Variants in NIPA1 observed in about 807,000 individuals in gnomAD.
The protein encoded by NIPA1 is magnesium transporter NIPA1.
Under a neutral mutation model 23.9 loss-of-function variants are expected in NIPA1, and 13 were observed. The observed-to-expected ratio is 0.54, with a 90% CI of 0.35 to 0.87. The LOEUF is 0.87. Among genes scored for constraint, NIPA1 ranks in the 40% least tolerant of loss-of-function variants. NIPA1 has a pLI of 0.01. For missense variants in NIPA1, 362 were observed against 429.7 expected (o/e 0.84, Z 1.39); for synonymous variants, 234 against 202.9 (o/e 1.15, Z -1.30).
At position 22,823,846 on chromosome 15, in the gene NIPA1, C is replaced by G; in HGVS notation, c.597C>G (p.Gly199=). Residue 199 remains glycine, a synonymous_variant, in exon 5 of 5, where the codon GGC becomes GGG. Transcript: ENST00000337435. ...MVYISICSLL[G]SFTVPSTKGI... ...ACATCAGCATCTGCTCCTTGCTGGG[C>G]AGTTTCACCGTGCCTTCCACCAAGG... 2 of 1,614,148 alleles carry G rather than the reference C, an allele frequency of 1.2e-6. No homozygotes were observed. The highest frequency in any genetic ancestry group is 1.7e-6 in the Non-Finnish European group (2 of 1,179,976).
Position 22,802,391 on chromosome 15 carries a change from CA to C in NIPA1, c.179-8340del, listed in dbSNP as rs10689474. On this transcript the variant is annotated intron_variant, in intron 1 of 4. Coordinates refer to ENST00000337435, the MANE Select transcript of NIPA1 (RefSeq NM_144599.5). ...TGGGCGACAGAGTGAGACTCTGTCT[CA>C]AAAAAAAAAAAAAAAAATTTAAACC... is the stretch of plus-strand genomic sequence containing the variant. 3.8e-3 allele frequency among the ~76,000 whole-genome samples: 432 copies of C among 114,628 alleles called. 1 individual carries two copies. Among genetic ancestry groups the C allele is most frequent in the Middle Eastern group, 8.3e-3 (2 of 240 alleles). 75.2% of individuals were successfully genotyped at this position (114,628 alleles called of 152,430 possible).
rs376597076 is a variant in NIPA1 at position 22,812,090 on chromosome 15, G to T, written c.227-73G>T. The T allele has an allele frequency of 9.0e-5, 101 of 1,122,156 alleles. No homozygotes were observed. The East Asian group carries it at 1.6e-3, about 18-fold the overall frequency. The allele number at this position is 1,122,156 out of a possible 1,614,324, so 69.5% of individuals were successfully genotyped here. On this transcript the variant is annotated intron_variant, in intron 2 of 4. Transcript: ENST00000337435. Reference sequence around the variant, plus strand: ...TAGCCCTTTCAGGGCAGAGCCTAGCGTAATTCAACTGTGATCAGTGCTGGA... The same window carrying T: ...TAGCCCTTTCAGGGCAGAGCCTAGCTTAATTCAACTGTGATCAGTGCTGGA...
chr15:22,807,347 TA>T (rs1365348521), intron 1 of NIPA1, among the ~76,000 whole-genome samples: 1 of 152,138 alleles, frequency 6.6e-6, no homozygotes, highest in Non-Finnish European at 1.5e-5. Context: ...GCTTTCACTG[TA>T]GGAGGGTCAC....
chr15:22,787,671 C>A (rs959641837), intron 1 of NIPA1, among the ~76,000 whole-genome samples: 9 of 152,180 alleles, frequency 5.9e-5, no homozygotes, highest in African/African-American at 1.9e-4. Flanking sequence ...AGTCCGTTTC[C>A]ATTGCTTCCA....
intron 1 of NIPA1, among the ~76,000 whole-genome samples, chr15:22,793,043 G>A (rs145242050): frequency 1.3e-5 from 2 of 151,910 alleles, no homozygotes; most frequent in East Asian, 3.9e-4. Context: ...CCTGGGCAAC[G>A]GAGTGAGACT....
At chr15:22,803,231 A>G (rs974516156) in intron 1 of NIPA1, among the ~76,000 whole-genome samples, 8 of 151,954 alleles carry the variant, frequency 5.3e-5, no homozygotes, top group South Asian at 2.1e-4. Context: ...TGCTGGGATT[A>G]TAGGCATGAG....
intron 3 of NIPA1, among the ~76,000 whole-genome samples, chr15:22,816,049 T>C (rs1895408492): frequency 6.6e-6 from 1 of 152,078 alleles, no homozygotes; most frequent in South Asian, 2.1e-4. Context: ...AGCTGCCTAC[T>C]TTCACCTCAT....
intron 3 of NIPA1, chr15:22,813,723 A>G (rs1416207437): frequency 2.2e-6 from 1 of 451,604 alleles, no homozygotes; most frequent in Admixed American, 2.4e-5. Flanking sequence ...AGGTTCTGTG[A>G]CCTAAATACC....
intron 1 of NIPA1, among the ~76,000 whole-genome samples, chr15:22,802,708 A>G (rs1250450183): frequency 6.6e-6 from 1 of 152,114 alleles, no homozygotes; most frequent in Non-Finnish European, 1.5e-5. Context: ...CTGGTGCCTC[A>G]TCCCCCATAC....
Position 22,786,684 on chromosome 15 carries a change from G to T in NIPA1, c.28G>T (p.Ala10Ser). 1 of 1,094,428 alleles carries T rather than the reference G, an allele frequency of 9.1e-7. No homozygotes were observed. The highest frequency in any genetic ancestry group is 3.6e-5 in the South Asian group (1 of 27,456). The allele number at this position is 1,094,428 out of a possible 1,614,324, so 67.8% of individuals were successfully genotyped here. The change falls in exon 1 of 5, where the codon GCG (alanine) becomes TCG (serine). Residue 10 changes from alanine (A) to serine (S), a missense_variant. Physicochemically the swap from Ala to Ser is moderately conservative, Grantham distance 99. This residue lies in a region of NIPA1 where 85 missense variants were observed against 57.7 expected (regional missense o/e 1.47). Coordinates refer to ENST00000337435, the MANE Select transcript of NIPA1 (RefSeq NM_144599.5). The part of the protein sequence containing the change: MGTAAAAAA[A>S]AAAAAAGEGA... ...GGGGACTGCAGCTGCGGCAGCGGCG[G>T]CGGCGGCGGCGGCGGCGGCCGGGGA...
chr15:22,806,482 T>TG (rs752812058), intron 1 of NIPA1, among the ~76,000 whole-genome samples: 1 of 151,100 alleles, frequency 6.6e-6, no homozygotes, highest in Non-Finnish European at 1.5e-5. Context: ...CACCTAGGAG[T>TG]GGGGGAGGAG....
intron 1 of NIPA1, among the ~76,000 whole-genome samples, chr15:22,792,390 G>A (rs555405751): frequency 6.6e-5 from 10 of 151,478 alleles, no homozygotes; most frequent in African/African-American, 1.9e-4. Context: ...ACGGAGTCTC[G>A]CTCTGTTGCC....
chr15:22,815,622 G>A (rs1357385250), intron 3 of NIPA1, among the ~76,000 whole-genome samples: 6 of 127,052 alleles, frequency 4.7e-5, no homozygotes, highest in South Asian at 2.6e-4. Context: ...TCCCTCCCCC[G>A]CCCCCCAAAA....
At chr15:22,812,102 T>C in intron 2 of NIPA1, 61 bp from the exon 3 acceptor site, 1 of 1,222,072 alleles carries the variant, frequency 8.2e-7, no homozygotes, top group Non-Finnish European at 1.2e-6. Context: ...AATTCAACTG[T>C]GATCAGTGCT....
Position 22,812,211 on chromosome 15 carries a change from C to T in NIPA1, c.275C>T (p.Thr92Met), listed in dbSNP as rs765306724. ...TTCCTGGCTTACACGGCGGTCCCCA[C>T]GGTCCTGGTAACCCCCCTGGGCGCC... is the stretch of plus-strand genomic sequence containing the variant. ...GNFLAYTAVP[T>M]VLVTPLGALG... The change falls in exon 3 of 5, where the codon ACG becomes ATG. Residue 92 changes from threonine to methionine, a missense_variant. Physicochemically the swap from Thr to Met is moderately conservative, Grantham distance 81. Around this residue, in one of 2 missense-constraint regions of NIPA1, gnomAD observed 277 missense variants for 372.0 expected, o/e 0.74. Transcript: ENST00000337435. 54 of 1,613,672 alleles carry T rather than the reference C, an allele frequency of 3.3e-5. No individual in the cohort carries two copies. The highest frequency in any genetic ancestry group is 1.2e-4 in the Admixed American group (7 of 59,994).
chr15:22,803,480 C>T (rs955430418), intron 1 of NIPA1, among the ~76,000 whole-genome samples: 6 of 145,184 alleles, frequency 4.1e-5, no homozygotes, highest in African/African-American at 1.5e-4. Context: ...CTGTGGCTTG[C>T]CTTTTCATTT....
At chr15:22,818,800 A>AAATG (rs967245529) in intron 3 of NIPA1, among the ~76,000 whole-genome samples, 14 of 152,282 alleles carry the variant, frequency 9.2e-5, no homozygotes, top group South Asian at 6.2e-4. Flanking sequence ...CTGTCTCAAT[A>AAATG]AATGAATGAA....
Position 22,805,911 on chromosome 15 carries a change from A to AT in NIPA1, c.179-4829dup, listed in dbSNP as rs999596852. Among the ~76,000 whole-genome samples the AT allele has an allele frequency of 1.7e-3, 259 of 150,942 alleles. 1 individual carries two copies. The highest frequency in any genetic ancestry group is 2.9e-3 in the Admixed American group (44 of 15,078). ...TATACTATAAAGCTGTATTTTATTT[A>AT]TTTTTTTTTACTTATTTATTTATTT... On this transcript the variant is annotated intron_variant, in intron 1 of 4. Transcript: ENST00000337435.
chr15:22,813,949 G>C (rs1895366596), intron 3 of NIPA1: 1 of 425,936 alleles, frequency 2.3e-6, no homozygotes, highest in East Asian at 7.3e-5. Flanking sequence ...ACCTGACCTG[G>C]TGATCTTGGC....
Sources: allele counts gnomAD v4.1 joint callset (sites outside exome capture counted in the v4.1 genomes callset), GRCh38; gene constraint gnomAD v4.1.1; regional missense constraint gnomAD v4.1.1; transcripts MANE v1.5; gene names NCBI Gene and HGNC (gene_info 2026-07-23, HGNC 2026-07-21).